The following CDC7 variants were observed in gnomAD, a reference collection of about 807,000 sequenced individuals.
CDC7 encodes the protein cell division cycle 7, also known as cell division cycle 7-related protein kinase.
CDC7 carries 34 observed loss-of-function variants against 53.5 expected under a neutral mutation model. The ratio of observed to expected loss-of-function variants is 0.64; its 90% confidence interval spans 0.48 to 0.85. The LOEUF (loss-of-function observed/expected upper bound fraction) is 0.85, where lower values mean the gene tolerates loss of function less well. Among genes scored for constraint, CDC7 ranks in the 40% least tolerant of loss-of-function variants. CDC7 has a pLI of 0.00. For missense variants in CDC7, 594 were observed against 679.7 expected (o/e 0.87, Z 1.40); for synonymous variants, 211 against 222.8 (o/e 0.95, Z 0.47).
intron 2 of CDC7, 70 bp from the exon 3 acceptor site, chr1:91,507,784 T>G (rs1371394423): frequency 7.9e-6 from 8 of 1,006,568 alleles, no homozygotes; most frequent in Non-Finnish European, 1.2e-5. Flanking sequence ...TCATTGAGCT[T>G]TTTAAATTTT....
At chr1:91,523,768 G>A (rs1277656670) in intron 11 of CDC7, among the ~76,000 whole-genome samples, 4 of 152,150 alleles carry the variant, frequency 2.6e-5, no homozygotes, top group Non-Finnish European at 5.9e-5. Flanking sequence ...TGAGAAATTG[G>A]CAGAGTCAAG....
chr1:91,521,496 A>G (rs1221554116), intron 11 of CDC7, among the ~76,000 whole-genome samples: 2 of 152,232 alleles, frequency 1.3e-5, no homozygotes, highest in African/African-American at 2.4e-5. Flanking sequence ...ACTATCTTGT[A>G]CTTATTGTAA....
chr1:91,517,483 G>A (rs993906777), intron 10 of CDC7, among the ~76,000 whole-genome samples: 3 of 152,174 alleles, frequency 2.0e-5, no homozygotes, highest in African/African-American at 7.2e-5. Flanking sequence ...CAGTAACCAA[G>A]GTGGAGAGTA....
At chr1:91,508,530 C>A in intron 4 of CDC7, 133 bp downstream of exon 4, 1 of 641,884 alleles carries the variant, frequency 1.6e-6, no homozygotes, top group South Asian at 2.5e-5. Flanking sequence ...AATTTGCTAG[C>A]ACTTTCCTTC....
intron 10 of CDC7, among the ~76,000 whole-genome samples, chr1:91,517,975 G>A (rs1260868160): frequency 6.6e-6 from 1 of 150,660 alleles, no homozygotes; most frequent in Non-Finnish European, 1.5e-5. Context: ...GCACACACCT[G>A]TAGTTCCAGC....
intron 2 of CDC7, among the ~76,000 whole-genome samples, chr1:91,507,501 T>A (rs1667053665): frequency 6.6e-6 from 1 of 152,220 alleles, no homozygotes; most frequent in Admixed American, 6.5e-5. Context: ...AACATCGCAA[T>A]GTGTCCTTGT....
chr1:91,510,874 C>T (rs1667251553), intron 4 of CDC7, among the ~76,000 whole-genome samples: 1 of 152,158 alleles, frequency 6.6e-6, no homozygotes, highest in Admixed American at 6.5e-5. Context: ...ATGCTAATAA[C>T]TCTTCCTTCA....
Position 91,524,410 on chromosome 1 carries a change from C to A in CDC7, c.1700C>A (p.Pro567Gln). The A allele has an allele frequency of 6.2e-7, 1 of 1,608,820 alleles. No individual in the cohort carries two copies. The highest frequency in any genetic ancestry group is 8.5e-7 in the Non-Finnish European group (1 of 1,179,202). The change falls in exon 12 of 12, where the codon CCA (proline) becomes CAA (glutamine). Residue 567 changes from proline (P) to glutamine (Q), a missense_variant. Pro to Gln is a moderately conservative substitution (Grantham distance 76, BLOSUM62 -1). Coordinates refer to ENST00000234626, the MANE Select transcript of CDC7 (RefSeq NM_003503.4). ...ACAGCAGAAGAAGCTTTGTTGCATCCATTTTTTAAAGATATGAGCTTGTGA... is the reference window on the plus strand; with the variant it reads ...ACAGCAGAAGAAGCTTTGTTGCATCAATTTTTTAAAGATATGAGCTTGTGA... ...RITAEEALLH[P>Q]FFKDMSL is the part of the protein sequence containing the mutation.
At chr1:91,515,232 G>T (rs1667496179) in intron 9 of CDC7, among the ~76,000 whole-genome samples, 1 of 152,192 alleles carries the variant, frequency 6.6e-6, no homozygotes, top group Non-Finnish European at 1.5e-5. Flanking sequence ...AAATAAGTGG[G>T]ACGGGGTGGC....
At position 91,511,857 on chromosome 1, in the gene CDC7, A is replaced by G; in HGVS notation, c.506A>G (p.His169Arg). ...CTGTTCAAAGCTTTGAAACGCATTC[A>G]TCAGTTTGGTATTGTTCACCGTGAT... ...LNLFKALKRI[H>R]QFGIVHRDVK... is the part of the protein sequence containing the mutation. The change falls in exon 6 of 12, where the codon CAT (histidine) becomes CGT (arginine). Residue 169 changes from histidine (H) to arginine (R), a missense_variant. His to Arg is a conservative substitution (Grantham distance 29, BLOSUM62 0). Coordinates refer to ENST00000234626, the MANE Select transcript of CDC7 (RefSeq NM_003503.4). 3 of 1,606,432 alleles carry G rather than the reference A, an allele frequency of 1.9e-6. No homozygotes were observed. Among genetic ancestry groups the G allele is most frequent in the Non-Finnish European group, 2.6e-6 (3 of 1,174,148 alleles).
intron 2 of CDC7, 36 bp downstream of exon 2, chr1:91,501,867 G>A (rs1249462452): frequency 3.5e-6 from 5 of 1,419,516 alleles, no homozygotes; most frequent in Non-Finnish European, 3.0e-6. Context: ...CAGTTATAAA[G>A]ATTTTTCAGG....
At chr1:91,503,428 T>G (rs936495932) in intron 2 of CDC7, among the ~76,000 whole-genome samples, 1 of 152,100 alleles carries the variant, frequency 6.6e-6, no homozygotes, top group African/African-American at 2.4e-5. Flanking sequence ...GTAAATCAAA[T>G]TAGATCATGA....
chr1:91,522,568 T>C (rs1279489681), intron 11 of CDC7, among the ~76,000 whole-genome samples: 1 of 152,120 alleles, frequency 6.6e-6, no homozygotes, highest in East Asian at 1.9e-4. Flanking sequence ...CTCTTTTTGG[T>C]CATATAAAAA....
At chr1:91,501,464 C>CG (rs1456302264) in intron 1 of CDC7, 190 bp from the exon 2 acceptor site, 2 of 392,472 alleles carry the variant, frequency 5.1e-6, no homozygotes, top group African/African-American at 4.0e-5. Context: ...CTGCAGCCCC[C>CG]TGCCGGTGTT....
chr1:91,507,136 T>A (rs541043706), intron 2 of CDC7, among the ~76,000 whole-genome samples: 2 of 152,196 alleles, frequency 1.3e-5, no homozygotes, highest in South Asian at 4.2e-4. Flanking sequence ...GCTTTGAAAA[T>A]GTCTTAAACT....
rs200149584 is a variant in CDC7 at position 91,524,188 on chromosome 1, C to T, written c.1478C>T (p.Thr493Ile). The T allele has an allele frequency of 1.2e-6, 2 of 1,614,044 alleles. No homozygotes were observed. The highest frequency in any genetic ancestry group is 2.7e-5 in the African/African-American group (2 of 75,034). ...ASHQPAISEK[T>I]DHKASCLVQT... ...CATCAACCAGCTATTTCAGAGAAGA[C>T]TGACCATAAAGCTTCTTGCCTCGTT... The change falls in exon 12 of 12, where the codon ACT becomes ATT. Residue 493 changes from threonine to isoleucine, a missense_variant. Physicochemically the swap from Thr to Ile is moderately conservative, Grantham distance 89 (BLOSUM62 -1). Coordinates refer to ENST00000234626, the MANE Select transcript of CDC7 (RefSeq NM_003503.4).
rs763073932 is a variant in CDC7, at chr1:91,524,220, C to T, written c.1510C>T (p.Pro504Ser). The stretch of plus-strand genomic sequence containing the variant: ...TAAAGCTTCTTGCCTCGTTCAAACA[C>T]CTCCAGGACAATACTCAGGGAATTC... ...DHKASCLVQT[P>S]PGQYSGNSFK... The change falls in exon 12 of 12, where the codon CCT becomes TCT. Residue 504 changes from proline (P) to serine (S), a missense_variant. Transcript: ENST00000234626. 1.4e-5 allele frequency: 23 copies of T among 1,613,912 alleles called. No individual in the cohort carries two copies. The South Asian group carries it at 2.3e-4, about 16-fold the overall frequency.
intron 10 of CDC7, among the ~76,000 whole-genome samples, chr1:91,519,641 T>C (rs1353918247): frequency 1.3e-5 from 2 of 152,204 alleles, no homozygotes; most frequent in African/African-American, 4.8e-5. Flanking sequence ...AGTAATTTTT[T>C]AAAAGTTTCT....
intron 10 of CDC7, among the ~76,000 whole-genome samples, chr1:91,519,256 CAAAAAAAAAAAAAA>C (rs71087957): frequency 3.3e-5 from 2 of 60,172 alleles, no homozygotes; most frequent in African/African-American, 1.0e-4. Flanking sequence ...ACTAAAAATA[CAAAAAAAAAAAAAA>C]AAAAAAAAAA....
Sources: gnomAD v4.1 joint callset for allele counts (sites outside exome capture counted in the v4.1 genomes callset) on GRCh38, gnomAD v4.1.1 for gene constraint, MANE v1.5 for transcripts, NCBI Gene and HGNC (gene_info 2026-07-23, HGNC 2026-07-21) for gene names.